SCAF8: variants seen among roughly 807,000 people sequenced by gnomAD.
SCAF8 encodes the protein SR-related CTD associated factor 8.
Under a neutral mutation model 140.5 loss-of-function variants are expected in SCAF8, and 23 were observed. The ratio of observed to expected loss-of-function variants is 0.16; its 90% CI spans 0.12 to 0.23. SCAF8 has a LOEUF of 0.23. Among genes scored for constraint, SCAF8 ranks in the 10% least tolerant of loss-of-function variants. The pLI is 1.00. For missense variants in SCAF8, 1,397 were observed against 1,555.7 expected, an observed-to-expected ratio of 0.90 and a Z score of 1.72; for synonymous variants, 575 against 528.9, an observed-to-expected ratio of 1.09 and a Z score of -1.20.
chr6:154,774,150 T>C, intron 2 of SCAF8, 78 bp downstream of exon 2: 1 of 946,780 alleles, frequency 1.1e-6, no homozygotes, highest in Non-Finnish European at 1.7e-6. Flanking sequence ...AATTTTTTTA[T>C]GGATTATATG....
intron 3 of SCAF8, among the ~76,000 whole-genome samples, chr6:154,781,287 G>A (rs920537368): frequency 3.3e-5 from 5 of 151,752 alleles, no homozygotes; most frequent in African/African-American, 9.7e-5. Flanking sequence ...AACAAGGAGT[G>A]TGAAGGACCT....
chr6:154,785,779 A>G (rs1410747549), intron 3 of SCAF8, among the ~76,000 whole-genome samples: 1 of 152,220 alleles, frequency 6.6e-6, no homozygotes, highest in African/African-American at 2.4e-5. Flanking sequence ...TGCAGATGAC[A>G]ACTTGGATGA....
At chr6:154,826,926 G>A (rs776706547) in intron 17 of SCAF8, among the ~76,000 whole-genome samples, 1 of 151,996 alleles carries the variant, frequency 6.6e-6, no homozygotes, top group African/African-American at 2.4e-5. Flanking sequence ...AGCATGCTAC[G>A]GGACTTGAAT....
intron 1 of SCAF8, among the ~76,000 whole-genome samples, chr6:154,765,340 T>G (rs1776531584): frequency 6.6e-6 from 1 of 152,204 alleles, no homozygotes. Context: ...CAAATTTATT[T>G]GGAAACTACA....
intron 17 of SCAF8, among the ~76,000 whole-genome samples, chr6:154,826,597 A>G (rs1193398391): frequency 6.6e-6 from 1 of 152,220 alleles, no homozygotes; most frequent in Non-Finnish European, 1.5e-5. Flanking sequence ...AAAATGATTA[A>G]GAAGCCGAGT....
intron 3 of SCAF8, among the ~76,000 whole-genome samples, chr6:154,782,760 C>A (rs530992660): frequency 1.3e-5 from 2 of 152,210 alleles, no homozygotes; most frequent in African/African-American, 4.8e-5. Flanking sequence ...GGGCAGGAAG[C>A]GTCCAGCACA....
chr6:154,770,388 A>ACT (rs58596375), intron 1 of SCAF8, among the ~76,000 whole-genome samples: 6,352 of 141,880 alleles, frequency 0.045, 194 homozygotes, highest in Non-Finnish European at 0.071. Flanking sequence ...ACACACACAC[A>ACT]CTCTCTCTCT....
chr6:154,776,161 A>G (rs937023432), intron 2 of SCAF8, among the ~76,000 whole-genome samples: 5 of 151,358 alleles, frequency 3.3e-5, no homozygotes, highest in African/African-American at 9.7e-5. Flanking sequence ...TTCATAATCC[A>G]GTCAAGATCA....
chr6:154,826,279 A>T (rs1300438497), intron 17 of SCAF8, among the ~76,000 whole-genome samples: 1 of 152,144 alleles, frequency 6.6e-6, no homozygotes, highest in Non-Finnish European at 1.5e-5. Context: ...ATAACCATAT[A>T]GGCTTTATAA....
At chr6:154,735,513 AAT>A (rs1453775027) in intron 1 of SCAF8, among the ~76,000 whole-genome samples, 8 of 133,472 alleles carry the variant, frequency 6.0e-5, no homozygotes, top group Non-Finnish European at 1.2e-4. Flanking sequence ...TAGACTTGGG[AAT>A]CTTCTTTTTT....
chr6:154,815,337 T>A (rs1295153752), intron 12 of SCAF8, among the ~76,000 whole-genome samples: 1 of 152,122 alleles, frequency 6.6e-6, no homozygotes, highest in African/African-American at 2.4e-5. Flanking sequence ...CAAATGGGAT[T>A]ACGGTGAGAA....
chr6:154,788,799 A>G (rs1475927821), intron 4 of SCAF8, among the ~76,000 whole-genome samples: 2 of 152,246 alleles, frequency 1.3e-5, no homozygotes, highest in African/African-American at 4.8e-5. Context: ...GCTTTGGATC[A>G]TGAGCGAGCA....
At chr6:154,768,257 A>G (rs1420213288) in intron 1 of SCAF8, among the ~76,000 whole-genome samples, 2 of 152,282 alleles carry the variant, frequency 1.3e-5, no homozygotes, top group East Asian at 1.9e-4. Context: ...TTTTAATGTC[A>G]TGACTTTGCT....
In SCAF8 at chr6:154,830,927, G is replaced by T; in HGVS notation, c.2146G>T (p.Val716Leu). The T allele has an allele frequency of 1.2e-6, 2 of 1,613,402 alleles. No individual in the cohort carries two copies. Among genetic ancestry groups the T allele is most frequent in the Non-Finnish European group, 1.7e-6 (2 of 1,179,374 alleles). ...TTTTTCTCCTCTTTAAACAGCTTTA[G>T]TGCAGCCGTCATTATCCATGACACC... The part of the protein sequence containing the change: ...TIPPVVPTSL[V>L]QPSLSMTPET... Residue 716 changes from valine (V) to leucine (L), a missense_variant, in exon 19 of 20, where the codon GTG becomes TTG. Physicochemically the swap from Val to Leu is conservative, Grantham distance 32 (BLOSUM62 1). This residue lies in a region of SCAF8 where 930 missense variants were observed against 874.6 expected (regional missense o/e 1.06). Transcript: ENST00000367178.
At chr6:154,784,155 A>ATATATATATATATT (rs1408182952) in intron 3 of SCAF8, among the ~76,000 whole-genome samples, 342 of 91,602 alleles carry the variant, frequency 3.7e-3, no homozygotes, top group Middle Eastern at 7.0e-3. Flanking sequence ...ATATATATAT[A>ATATATATATATATT]TATTTATTTA....
At chr6:154,829,166 T>C (rs1778654615) in intron 18 of SCAF8, among the ~76,000 whole-genome samples, 1 of 152,100 alleles carries the variant, frequency 6.6e-6, no homozygotes, top group African/African-American at 2.4e-5. Context: ...ATAATCAAAT[T>C]ATTGTGTATC....
At chr6:154,810,280 C>G (rs1778052789) in intron 12 of SCAF8, 72 bp downstream of exon 12, 2 of 1,134,614 alleles carry the variant, frequency 1.8e-6, no homozygotes, top group East Asian at 2.7e-5. Flanking sequence ...TACAAAGTCT[C>G]TCAGCCAAAT....
At chr6:154,826,113 C>T (rs1310954400) in intron 17 of SCAF8, among the ~76,000 whole-genome samples, 1 of 151,984 alleles carries the variant, frequency 6.6e-6, no homozygotes, top group Non-Finnish European at 1.5e-5. Context: ...ATTTATAGGT[C>T]ATGTAAGTGT....
chr6:154,752,760 C>T (rs1033290165), intron 1 of SCAF8, among the ~76,000 whole-genome samples: 1 of 152,094 alleles, frequency 6.6e-6, no homozygotes, highest in Non-Finnish European at 1.5e-5. Flanking sequence ...CTCACTCTGT[C>T]GCCCAGGCTA....
Sources: gnomAD v4.1 joint callset for allele counts (sites outside exome capture counted in the v4.1 genomes callset) on GRCh38, gnomAD v4.1.1 for gene constraint, gnomAD v4.1.1 regional missense constraint, MANE v1.5 for transcripts, NCBI Gene and HGNC (gene_info 2026-07-23, HGNC 2026-07-21) for gene names.